Variants in IQSEC1 observed in about 807,000 individuals in gnomAD.
The protein encoded by IQSEC1 is IQ motif and SEC7 domain-containing protein 1.
Under a neutral mutation model 91.0 loss-of-function variants are expected in IQSEC1, and 31 were observed. The observed-to-expected ratio is 0.34, with a 90% CI of 0.26 to 0.46. The LOEUF (loss-of-function observed/expected upper bound fraction) is 0.46. IQSEC1 is among the 20% of genes least tolerant of loss of function. The probability of loss-of-function intolerance (pLI) is 1.00; values close to 1 mark genes in which losing one functional copy is unlikely to be tolerated. For synonymous variants in IQSEC1, 699 were observed against 662.6 expected, an observed-to-expected ratio of 1.05 and a Z score of -0.84; for missense variants, 1,388 against 1,575.6, an observed-to-expected ratio of 0.88 and a Z score of 2.02.
intron 6 of IQSEC1, among the ~76,000 whole-genome samples, chr3:12,916,042 G>C (rs1306205567): frequency 1.3e-5 from 2 of 152,220 alleles, no homozygotes; most frequent in African/African-American, 4.8e-5. Flanking sequence ...CCTTCGAAGT[G>C]GGTATAATCA....
At chr3:13,128,681 T>C (rs1339120032) in intron 2 of IQSEC1, among the ~76,000 whole-genome samples, 2 of 151,968 alleles carry the variant, frequency 1.3e-5, no homozygotes, top group East Asian at 1.9e-4. Context: ...CTGGCTAACA[T>C]GGTGAAACCT....
chr3:12,907,491 C>T (rs987082762), intron 12 of IQSEC1, among the ~76,000 whole-genome samples: 2 of 152,214 alleles, frequency 1.3e-5, no homozygotes, highest in Non-Finnish European at 2.9e-5. Flanking sequence ...GAGAAGCTCG[C>T]TGACTGGTGG....
intron 1 of IQSEC1, among the ~76,000 whole-genome samples, chr3:12,973,712 T>C (rs953591412): frequency 1.3e-5 from 2 of 152,194 alleles, no homozygotes; most frequent in African/African-American, 4.8e-5. Context: ...CCCACAAATA[T>C]ATACACCTAC....
chr3:13,112,259 C>T (rs1006046492), intron 2 of IQSEC1, among the ~76,000 whole-genome samples: 1 of 152,222 alleles, frequency 6.6e-6, no homozygotes, highest in East Asian at 1.9e-4. Context: ...GGAAGGACTC[C>T]CATGCTGGAG....
intron 2 of IQSEC1, among the ~76,000 whole-genome samples, chr3:13,114,852 G>A (rs1248450873): frequency 2.0e-5 from 3 of 152,144 alleles, no homozygotes; most frequent in African/African-American, 4.8e-5. Context: ...TGGGTGACGG[G>A]TGCCAAAGAG....
intron 2 of IQSEC1, among the ~76,000 whole-genome samples, chr3:13,123,789 T>G (rs1238619974): frequency 6.6e-6 from 1 of 152,212 alleles, no homozygotes; most frequent in Non-Finnish European, 1.5e-5. Context: ...CCCAGAGCCC[T>G]GCGCTGACCT....
intron 2 of IQSEC1, among the ~76,000 whole-genome samples, chr3:13,127,343 G>T (rs1290726873): frequency 6.6e-6 from 1 of 152,062 alleles, no homozygotes; most frequent in Non-Finnish European, 1.5e-5. Context: ...GAACCCTGGG[G>T]GCAGAGGTTG....
Position 12,901,408 on chromosome 3 carries a change from C to A in IQSEC1, c.2920G>T (p.Gly974Trp), listed in dbSNP as rs545063086. 30 of 1,545,008 alleles carry A rather than the reference C, an allele frequency of 1.9e-5. No individual in the cohort carries two copies. The highest frequency in any genetic ancestry group is 2.6e-5 in the Non-Finnish European group (30 of 1,145,784). Reference protein sequence around the residue: ...NSSSLLGSLFGSKRGKPPPQA... With the variant: ...NSSSLLGSLFWSKRGKPPPQA... The stretch of plus-strand genomic sequence containing the variant: ...GGAGGGGGCTTCCCTCTCTTGCTCC[C>A]GAATAAGGAGCCCAGGAGGGAAGAT... The change falls in exon 14 of 14, where the codon GGG (glycine) becomes TGG (tryptophan). Residue 974 changes from glycine to tryptophan, a missense_variant. This residue lies in a region of IQSEC1 where 329 missense variants were observed against 257.8 expected (regional missense o/e 1.28). Coordinates refer to ENST00000613206, the MANE Select transcript of IQSEC1 (RefSeq NM_001134382.3).
chr3:12,912,253 G>C (rs1314611205), intron 9 of IQSEC1, among the ~76,000 whole-genome samples: 2 of 152,232 alleles, frequency 1.3e-5, no homozygotes, highest in Non-Finnish European at 2.9e-5. Context: ...GAACTTTCCA[G>C]TGTGGCAGCC....
At chr3:12,916,835 A>C (rs1293608683) in intron 6 of IQSEC1, among the ~76,000 whole-genome samples, 1 of 152,250 alleles carries the variant, frequency 6.6e-6, no homozygotes, top group Non-Finnish European at 1.5e-5. Flanking sequence ...ACAGTGAAGA[A>C]GGCCACAGTA....
intron 2 of IQSEC1, among the ~76,000 whole-genome samples, chr3:13,142,307 GGA>G (rs1427634781): frequency 1.3e-5 from 2 of 152,234 alleles, no homozygotes; most frequent in Non-Finnish European, 2.9e-5. Context: ...AGGCTGCACA[GGA>G]GAGTCAGGGT....
At position 13,233,798 on chromosome 3, in the gene IQSEC1, T is replaced by C. The variant is rs145543882; in HGVS notation, c.272+48913A>G. Among the ~76,000 whole-genome samples the C allele has an allele frequency of 5.9e-3, 895 of 152,302 alleles. 5 individuals are homozygous for C. Among genetic ancestry groups the C allele is most frequent in the Non-Finnish European group, 7.7e-3 (521 of 68,024 alleles). The stretch of plus-strand genomic sequence containing the variant: ...AGAGTGAGGGCTCCCGGCAGGCTCC[T>C]GGGGAGCAAAGCCCGGCTCCCTGCT... On this transcript the variant is annotated intron_variant, in intron 1 of 15. Transcript: ENST00000648114.
chr3:13,175,488 G>A (rs375775858), intron 1 of IQSEC1, among the ~76,000 whole-genome samples: 48 of 152,280 alleles, frequency 3.2e-4, no homozygotes, highest in East Asian at 5.8e-4. Context: ...AGGATCGCCC[G>A]GAAGCACGCT....
Position 12,908,180 on chromosome 3 carries a change from C to T in IQSEC1, c.2755+169G>A, listed in dbSNP as rs913629047. ...CCTGTTTCCCTGTGTCTTTTTGGGG[C>T]GCCCTTTCTGTATGTCACACGCTGC... On this transcript the variant is annotated intron_variant, in intron 12 of 13. Coordinates refer to ENST00000613206, the MANE Select transcript of IQSEC1 (RefSeq NM_001134382.3). This position sits in a 1 kb window ranked among gnomAD's most constrained non-coding sequence, Gnocchi z 4.9. 8.5e-5 allele frequency among the ~76,000 whole-genome samples: 13 copies of T among 152,248 alleles called. No individual in the cohort carries two copies. Among genetic ancestry groups the T allele is most frequent in the Admixed American group, 1.3e-4 (2 of 15,292 alleles).
In IQSEC1 at chr3:12,899,438, C is replaced by G; in HGVS notation, c.*1545G>C. 6.2e-7 allele frequency: 1 copy of G among 1,609,786 alleles called. No homozygotes were observed. The highest frequency in any genetic ancestry group is 8.5e-7 in the Non-Finnish European group (1 of 1,178,676). On this transcript the variant is annotated 3_prime_UTR_variant, in exon 14 of 14. Coordinates refer to ENST00000613206, the MANE Select transcript of IQSEC1 (RefSeq NM_001134382.3). Reference sequence around the variant, plus strand: ...GCAGTGGCTCGAAAGGCTGAAACTACAAAGTATGGCCCGTGGGTGACTCGG... The same window carrying G: ...GCAGTGGCTCGAAAGGCTGAAACTAGAAAGTATGGCCCGTGGGTGACTCGG...
chr3:12,913,619 G>A, intron 8 of IQSEC1, 66 bp from the exon 9 acceptor site: 1 of 1,533,636 alleles, frequency 6.5e-7, no homozygotes, highest in African/African-American at 1.4e-5. Flanking sequence ...GGGGGCCGCA[G>A]TGGAGAAGTC....
rs1694147260 is a variant in IQSEC1 at position 12,900,551 on chromosome 3, CAATA to C, written c.*428_*431del. On this transcript the variant is annotated 3_prime_UTR_variant, in exon 14 of 14. Transcript: ENST00000613206. ...GTCTACTTATTTTTTTGCCCATTGT[CAATA>C]AAAGAGCAATAATGCAGCAAGTTTT... The C allele has an allele frequency of 3.0e-6, 3 of 990,688 alleles. No individual in the cohort carries two copies. Among genetic ancestry groups the C allele is most frequent in the Non-Finnish European group, 3.6e-6 (3 of 832,906 alleles). 61.4% of individuals were successfully genotyped at this position (990,688 alleles called of 1,614,324 possible).
chr3:13,036,559 G>T (rs538535754), intron 1 of IQSEC1, among the ~76,000 whole-genome samples: 15 of 152,224 alleles, frequency 9.9e-5, no homozygotes, highest in Middle Eastern at 3.4e-3. Flanking sequence ...AGCCACCCAG[G>T]GTGCCCCCTG....
At position 13,200,072 on chromosome 3, in the gene IQSEC1, CACA is replaced by C. The variant is rs1178584806; in HGVS notation, c.273-35942_273-35940del. ...CACGCACACACACCACACACATACA[CACA>C]ACATGCATATACACAACATGCGCGC... is the stretch of plus-strand genomic sequence containing the variant. On this transcript the variant is annotated intron_variant, in intron 1 of 15. Transcript: ENST00000648114. Among the ~76,000 whole-genome samples the C allele has an allele frequency of 3.2e-4, 48 of 148,634 alleles. 2 individuals carry two copies. The highest frequency in any genetic ancestry group is 2.6e-3 in the South Asian group (12 of 4,692).
Sources: gnomAD v4.1 joint callset for allele counts (sites outside exome capture counted in the v4.1 genomes callset) on GRCh38, gnomAD v4.1.1 for gene constraint, gnomAD v4.1.1 regional missense constraint, Gnocchi (gnomAD v3.1) non-coding constraint, MANE v1.5 for transcripts, NCBI Gene and HGNC (gene_info 2026-07-23, HGNC 2026-07-21) for gene names.